TFEC: variants seen among roughly 807,000 people sequenced by gnomAD.
TFEC encodes transcription factor EC.
A neutral mutation model predicts 41.6 loss-of-function variants in TFEC; 31 were observed. That is an observed-to-expected ratio of 0.74 (90% CI 0.56 to 1.01). TFEC has a LOEUF of 1.01. Among genes scored for constraint, TFEC ranks in the 50% least tolerant of loss-of-function variants. The probability of loss-of-function intolerance (pLI) is 0.00; values close to 1 mark genes in which losing one functional copy is unlikely to be tolerated. For synonymous variants in TFEC, 143 were observed against 140.6 expected, an observed-to-expected ratio of 1.02 and a Z score of -0.12; for missense variants, 402 against 404.1, an observed-to-expected ratio of 0.99 and a Z score of 0.04.
chr7:115,956,632 T>C (rs781114160), intron 4 of TFEC, 47 bp downstream of exon 4: 2 of 1,379,058 alleles, frequency 1.5e-6, no homozygotes, highest in Non-Finnish European at 2.0e-6. Flanking sequence ...TCATAACTTA[T>C]GTCATTAATA....
chr7:116,094,508 G>A (rs113822627), intron 3 of TFEC, among the ~76,000 whole-genome samples: 5,737 of 151,216 alleles, frequency 0.038, 128 homozygotes, highest in African/African-American at 0.052. Flanking sequence ...ATGAAATCCC[G>A]TCTCTACCAA....
At chr7:116,030,558 A>C (rs151230728) in intron 1 of TFEC, 75 bp downstream of exon 1, 1 of 894,568 alleles carries the variant, frequency 1.1e-6, no homozygotes, top group East Asian at 1.2e-4. Context: ...TATCAAAATA[A>C]AACAAGTATT....
intron 3 of TFEC, among the ~76,000 whole-genome samples, chr7:116,093,631 T>A (rs1193000970): frequency 1.3e-5 from 2 of 152,202 alleles, no homozygotes; most frequent in African/African-American, 4.8e-5. Context: ...CACTTCATAT[T>A]CCATATTTTA....
intron 3 of TFEC, among the ~76,000 whole-genome samples, chr7:116,045,947 C>G (rs1270761653): frequency 6.6e-6 from 1 of 152,156 alleles, no homozygotes; most frequent in Non-Finnish European, 1.5e-5. Context: ...AATTTGACTG[C>G]TCCATTGGAT....
chr7:115,996,015 C>A (rs906352155), intron 1 of TFEC, among the ~76,000 whole-genome samples: 33 of 152,172 alleles, frequency 2.2e-4, no homozygotes, highest in African/African-American at 7.7e-4. Flanking sequence ...GCCACAAAAT[C>A]TGCAATTCCC....
intron 1 of TFEC, among the ~76,000 whole-genome samples, chr7:115,986,869 T>C (rs1242096287): frequency 6.6e-6 from 1 of 151,888 alleles, no homozygotes; most frequent in African/African-American, 2.4e-5. Flanking sequence ...GTAACAAACC[T>C]GCACGTTGTG....
At chr7:115,995,187 G>A (rs905513737) in intron 1 of TFEC, among the ~76,000 whole-genome samples, 1 of 145,890 alleles carries the variant, frequency 6.9e-6, no homozygotes, top group Admixed American at 6.9e-5. Flanking sequence ...TCACACACTG[G>A]GGCCTGTCAT....
intron 1 of TFEC, among the ~76,000 whole-genome samples, chr7:116,119,204 T>C (rs1000389633): frequency 1.3e-5 from 2 of 151,792 alleles, no homozygotes; most frequent in Non-Finnish European, 2.9e-5. Context: ...TCAACAATCA[T>C]AAGCAATTTG....
chr7:116,029,699 C>CAT (rs1309791588), intron 1 of TFEC, among the ~76,000 whole-genome samples: 1 of 151,588 alleles, frequency 6.6e-6, no homozygotes. Flanking sequence ...ATATATACAG[C>CAT]ATATATATAT....
intron 3 of TFEC, among the ~76,000 whole-genome samples, chr7:116,047,462 C>T (rs111665726): frequency 0.027 from 4,053 of 152,154 alleles, 72 homozygotes; most frequent in Non-Finnish European, 0.038. Context: ...GAGGGGTGTC[C>T]ACCATTGCTG....
chr7:115,976,860 G>A (rs903480727), intron 2 of TFEC, among the ~76,000 whole-genome samples: 3 of 152,118 alleles, frequency 2.0e-5, no homozygotes, highest in Non-Finnish European at 2.9e-5. Context: ...GGAAGCTTAC[G>A]TCATAAATGA....
At chr7:116,091,271 C>T (rs938872196) in intron 3 of TFEC, among the ~76,000 whole-genome samples, 1 of 151,732 alleles carries the variant, frequency 6.6e-6, no homozygotes, top group Non-Finnish European at 1.5e-5. Context: ...AATAATAGAG[C>T]ATTAGCATCT....
At chr7:115,950,419 A>G (rs932571676) in intron 6 of TFEC, among the ~76,000 whole-genome samples, 4 of 152,158 alleles carry the variant, frequency 2.6e-5, no homozygotes, top group African/African-American at 9.6e-5. Flanking sequence ...GCATCAATCA[A>G]TATGCTTTTA....
At chr7:116,078,976 T>C (rs1324799692) in intron 3 of TFEC, among the ~76,000 whole-genome samples, 2 of 151,992 alleles carry the variant, frequency 1.3e-5, no homozygotes, top group African/African-American at 4.8e-5. Context: ...AAAAAGATAG[T>C]CCACCATGTC....
chr7:115,948,533 T>G (rs1034189987), intron 6 of TFEC, among the ~76,000 whole-genome samples: 28 of 152,210 alleles, frequency 1.8e-4, no homozygotes, highest in Admixed American at 7.2e-4. Context: ...GGGATGCAAG[T>G]CTGGTTCAAT....
At chr7:116,064,976 T>C (rs1796659912) in intron 3 of TFEC, among the ~76,000 whole-genome samples, 1 of 152,082 alleles carries the variant, frequency 6.6e-6, no homozygotes, top group Non-Finnish European at 1.5e-5. Flanking sequence ...ATCAAGATAT[T>C]CTATGAGTTA....
chr7:116,029,412 C>A (rs1795707780), intron 1 of TFEC, among the ~76,000 whole-genome samples: 2 of 152,112 alleles, frequency 1.3e-5, no homozygotes, highest in South Asian at 4.1e-4. Context: ...GCAGAATTGT[C>A]CGAATAATGC....
At chr7:116,064,182 A>G (rs2131000099) in intron 3 of TFEC, among the ~76,000 whole-genome samples, 1 of 152,234 alleles carries the variant, frequency 6.6e-6, no homozygotes, top group East Asian at 1.9e-4. Flanking sequence ...ACTATAGTTA[A>G]TCAGAATGTA....
chr7:116,057,477 G>C (rs2130976986), intron 3 of TFEC, among the ~76,000 whole-genome samples: 1 of 151,898 alleles, frequency 6.6e-6, no homozygotes, highest in South Asian at 2.1e-4. Context: ...TAAAAAATCG[G>C]AAAGAATTCA....
Sources: allele counts gnomAD v4.1 joint callset (sites outside exome capture counted in the v4.1 genomes callset), GRCh38; gene constraint gnomAD v4.1.1; transcripts MANE v1.5; gene names NCBI Gene and HGNC (gene_info 2026-07-23, HGNC 2026-07-21).